Variants in LRRC4C observed in about 807,000 individuals in gnomAD.
The protein encoded by LRRC4C is leucine-rich repeat-containing protein 4C.
In LRRC4C, 5 loss-of-function variants were observed where a neutral mutation model predicts 33.6. The observed-to-expected ratio is 0.15, with a 90% CI of 0.08 to 0.31. LRRC4C has a LOEUF of 0.31. Ranked by LOEUF, LRRC4C falls within the 10% of genes least tolerant of loss-of-function variation. The probability of loss-of-function intolerance (pLI) is 1.00; values close to 1 mark genes in which losing one functional copy is unlikely to be tolerated. For missense variants in LRRC4C, 560 were observed against 796.7 expected, an observed-to-expected ratio of 0.70 and a Z score of 3.58; for synonymous variants, 329 against 302.0, an observed-to-expected ratio of 1.09 and a Z score of -0.93.
At chr11:40,628,480 A>C (rs1322190697) in intron 3 of LRRC4C, among the ~76,000 whole-genome samples, 1 of 150,818 alleles carries the variant, frequency 6.6e-6, no homozygotes, top group Non-Finnish European at 1.5e-5. Context: ...TCCATCTCAA[A>C]AAAACAAAAC....
intron 1 of LRRC4C, among the ~76,000 whole-genome samples, chr11:41,338,859 C>T (rs1951540999): frequency 6.6e-6 from 1 of 152,012 alleles, no homozygotes; most frequent in African/African-American, 2.4e-5. Flanking sequence ...ACCTCCGGCA[C>T]ATTGTTTAAC....
At chr11:40,321,973 G>C (rs990152226) in intron 3 of LRRC4C, among the ~76,000 whole-genome samples, 3 of 152,144 alleles carry the variant, frequency 2.0e-5, no homozygotes, top group Admixed American at 6.5e-5. Context: ...TCAGATAAGA[G>C]AAGTACTATG....
chr11:41,342,725 A>C (rs565341945), intron 1 of LRRC4C, among the ~76,000 whole-genome samples: 1 of 152,296 alleles, frequency 6.6e-6, no homozygotes, highest in East Asian at 1.9e-4. Context: ...AAAAACAAAC[A>C]AATATACAAA....
At position 41,244,294 on chromosome 11, in the gene LRRC4C, G is replaced by A. The variant is rs192131617; in HGVS notation, c.-496+215137C>T. On this transcript the variant is annotated intron_variant, in intron 1 of 6. Transcript: ENST00000528697. ...GCTTTTAAAATGCCAAGCAGTAGAT[G>A]TCCTGAACTACTTGTAAATCTAAGT... Among the ~76,000 whole-genome samples the A allele has an allele frequency of 2.2e-3, 328 of 152,220 alleles. 2 individuals are homozygous for A. The highest frequency in any genetic ancestry group is 7.5e-3 in the African/African-American group (313 of 41,534).
At chr11:41,182,703 T>C (rs1284603872) in intron 1 of LRRC4C, among the ~76,000 whole-genome samples, 2 of 152,192 alleles carry the variant, frequency 1.3e-5, no homozygotes, top group Non-Finnish European at 2.9e-5. Context: ...TTCCTTGTTA[T>C]GTACAATGCT....
intron 1 of LRRC4C, among the ~76,000 whole-genome samples, chr11:40,934,143 C>A (rs1445545475): frequency 6.6e-6 from 1 of 152,044 alleles, no homozygotes; most frequent in African/African-American, 2.4e-5. Context: ...TACCATTTTC[C>A]TTCTATCTTA....
chr11:40,473,844 C>G (rs1352724065), intron 3 of LRRC4C, among the ~76,000 whole-genome samples: 1 of 152,114 alleles, frequency 6.6e-6, no homozygotes, highest in Non-Finnish European at 1.5e-5. Flanking sequence ...AGTGAACTCC[C>G]ATTCACAATT....
intron 5 of LRRC4C, among the ~76,000 whole-genome samples, chr11:40,221,661 G>A (rs928667948): frequency 1.3e-5 from 2 of 152,020 alleles, no homozygotes; most frequent in Admixed American, 6.6e-5. Context: ...ACAGCCCGGC[G>A]CCACACCCTG....
intron 1 of LRRC4C, among the ~76,000 whole-genome samples, chr11:40,949,886 G>T (rs538972231): frequency 6.3e-4 from 95 of 151,954 alleles, no homozygotes; most frequent in African/African-American, 2.2e-3. Flanking sequence ...TAAATGTAAA[G>T]GGACTAAATG....
At chr11:40,745,091 G>T (rs1948350978) in intron 2 of LRRC4C, among the ~76,000 whole-genome samples, 1 of 152,144 alleles carries the variant, frequency 6.6e-6, no homozygotes, top group Non-Finnish European at 1.5e-5. Context: ...ATTGCACATG[G>T]AATGCATAAG....
intron 3 of LRRC4C, among the ~76,000 whole-genome samples, chr11:40,354,884 C>T (rs1436011690): frequency 6.6e-6 from 1 of 152,054 alleles, no homozygotes; most frequent in African/African-American, 2.4e-5. Flanking sequence ...TACTCTTCCC[C>T]CTCCTTTCTG....
chr11:41,180,736 T>C (rs1365748186), intron 1 of LRRC4C, among the ~76,000 whole-genome samples: 1 of 152,144 alleles, frequency 6.6e-6, no homozygotes, highest in Non-Finnish European at 1.5e-5. Context: ...CTCACAATTT[T>C]CCCCATTAAA....
At chr11:41,365,922 T>C (rs913846851) in intron 1 of LRRC4C, among the ~76,000 whole-genome samples, 1 of 152,210 alleles carries the variant, frequency 6.6e-6, no homozygotes, top group Admixed American at 6.5e-5. Flanking sequence ...TATTTAATTT[T>C]TCAGAATTGT....
intron 5 of LRRC4C, among the ~76,000 whole-genome samples, chr11:40,218,626 G>C (rs763844): frequency 0.86 from 122,272 of 142,430 alleles, 53,964 homozygotes; most frequent in Non-Finnish European, 0.97. Flanking sequence ...ATGTATGTAT[G>C]TATGTATGTA....
intron 2 of LRRC4C, among the ~76,000 whole-genome samples, chr11:40,781,810 CACACCTAAAA>C (rs1299564720): frequency 6.6e-6 from 1 of 152,108 alleles, no homozygotes; most frequent in Non-Finnish European, 1.5e-5. Flanking sequence ...GCTCTTAGTT[CACACCTAAAA>C]GCACCAAAAT....
chr11:40,974,035 G>T (rs1353353850), intron 1 of LRRC4C, among the ~76,000 whole-genome samples: 1 of 151,904 alleles, frequency 6.6e-6, no homozygotes, highest in East Asian at 1.9e-4. Context: ...CTGGGGAAAT[G>T]CTTTATTATA....
intron 1 of LRRC4C, among the ~76,000 whole-genome samples, chr11:41,281,711 T>G (rs1272470756): frequency 6.6e-6 from 1 of 152,200 alleles, no homozygotes; most frequent in East Asian, 1.9e-4. Flanking sequence ...GATAGTTTAC[T>G]AGATTTTTCA....
chr11:40,784,074 GTTTA>G lies in LRRC4C; in HGVS notation c.-406-135800_-406-135797del, dbSNP rs553182962. 8.8e-4 allele frequency among the ~76,000 whole-genome samples: 105 copies of G among 118,872 alleles called. 2 individuals are homozygous for G. The South Asian group carries it at 0.022, about 25-fold the overall frequency. 78.0% of individuals were successfully genotyped at this position (118,872 alleles called of 152,430 possible). On this transcript the variant is annotated intron_variant, in intron 2 of 6. Coordinates refer to ENST00000528697, the MANE Select transcript of LRRC4C (RefSeq NM_001258419.2). ...ATTTATCAAGTTTCTAATGAAAGAT[GTTTA>G]TTTATATATATATATACATTCATTA... is the stretch of plus-strand genomic sequence containing the variant.
chr11:40,606,277 C>T (rs373567440), intron 3 of LRRC4C, among the ~76,000 whole-genome samples: 1 of 151,976 alleles, frequency 6.6e-6, no homozygotes, highest in Non-Finnish European at 1.5e-5. Context: ...CAGACAGATA[C>T]CAAAAGGAGC....
Sources: gnomAD v4.1 joint callset for allele counts (sites outside exome capture counted in the v4.1 genomes callset) on GRCh38, gnomAD v4.1.1 for gene constraint, MANE v1.5 for transcripts, NCBI Gene and HGNC (gene_info 2026-07-23, HGNC 2026-07-21) for gene names.